The following TLN2 variants were observed in gnomAD, a reference collection of about 807,000 sequenced individuals.
The protein encoded by TLN2 is talin-2.
TLN2 carries 118 observed loss-of-function variants against 294.7 expected under a neutral mutation model. The ratio of observed to expected loss-of-function variants is 0.40; its 90% confidence interval spans 0.34 to 0.47. The LOEUF is 0.47. TLN2 is among the 20% of genes least tolerant of loss of function. TLN2 has a pLI of 0.84. For synonymous variants in TLN2, 1,431 were observed against 1,304.5 expected (o/e 1.10, Z -2.09); for missense variants, 3,083 against 3,282.2 (o/e 0.94, Z 1.48).
intron 24 of TLN2, 128 bp downstream of exon 24, chr15:62,717,817 C>T: frequency 1.6e-6 from 1 of 628,146 alleles, no homozygotes; most frequent in Middle Eastern, 3.8e-4. Context: ...CCCCAGTTCC[C>T]ATGTTCCAGG....
At chr15:62,504,933 T>C (rs1454126365) in intron 1 of TLN2, among the ~76,000 whole-genome samples, 4 of 150,548 alleles carry the variant, frequency 2.7e-5, no homozygotes, top group African/African-American at 9.9e-5. Flanking sequence ...GTAATAACAT[T>C]AAAAAACAGA....
intron 43 of TLN2, among the ~76,000 whole-genome samples, chr15:62,777,234 A>G (rs1341841670): frequency 6.6e-6 from 1 of 152,134 alleles, no homozygotes; most frequent in African/African-American, 2.4e-5. Context: ...TGCCAAAATG[A>G]AATAAAAGTG....
chr15:62,582,246 A>ACACACACACACACACACACACACACCCC lies in TLN2; in HGVS notation c.-237-7439_-237-7438insCACACACACACACACACACACACCCCCA, dbSNP rs764248336. Among the ~76,000 whole-genome samples, 201 of 137,308 alleles carry ACACACACACACACACACACACACACCCC rather than the reference A, an allele frequency of 1.5e-3. 8 individuals are homozygous for ACACACACACACACACACACACACACCCC. Among genetic ancestry groups the ACACACACACACACACACACACACACCCC allele is most frequent in the Admixed American group, 1.9e-3 (25 of 13,276 alleles). The allele number at this position is 137,308 out of a possible 152,430, so 90.1% of individuals were successfully genotyped here. On this transcript the variant is annotated intron_variant, in intron 1 of 58. Transcript: ENST00000636159. ...CACACACACACACACACACACACACACATTCATGCCTGACCCATTCCTGAC... is the reference window on the plus strand; with the variant it reads ...CACACACACACACACACACACACACACACACACACACACACACACACACACCCCCATTCATGCCTGACCCATTCCTGAC...
chr15:62,758,961 T>C (rs2062485882), intron 37 of TLN2, among the ~76,000 whole-genome samples: 1 of 152,262 alleles, frequency 6.6e-6, no homozygotes, highest in African/African-American at 2.4e-5. Flanking sequence ...AATCTGACTT[T>C]GTGCATACAC....
At chr15:62,652,608 T>A (rs889258461) in intron 6 of TLN2, among the ~76,000 whole-genome samples, 5 of 152,224 alleles carry the variant, frequency 3.3e-5, no homozygotes, top group African/African-American at 1.2e-4. Context: ...AGTTTTCTCT[T>A]CATGCAAAGG....
At chr15:62,616,656 A>C (rs564163195) in intron 2 of TLN2, among the ~76,000 whole-genome samples, 21 of 152,262 alleles carry the variant, frequency 1.4e-4, no homozygotes, top group Non-Finnish European at 2.5e-4. Flanking sequence ...TCATGGTGTG[A>C]GTTTCTCCCC....
chr15:62,781,939 G>T (rs960808362), intron 44 of TLN2, among the ~76,000 whole-genome samples: 1 of 152,200 alleles, frequency 6.6e-6, no homozygotes, highest in East Asian at 1.9e-4. Context: ...ATGTTAAGCA[G>T]TTATACGAAA....
rs2062169604 is a variant in TLN2, at chr15:62,755,237, T to A, written c.4477-295T>A. 2.4e-5 allele frequency: 7 copies of A among 297,396 alleles called. No homozygotes were observed. The South Asian group carries it at 4.3e-4, about 18-fold the overall frequency. 18.4% of individuals were successfully genotyped at this position (297,396 alleles called of 1,614,324 possible). A position where few individuals can be genotyped will look rare whatever the true frequency, so the allele number is the denominator to read the frequency against. ...TCTAGATGCTATACCCTGGACCTCC[T>A]ATCTGGGGTTCCAAAGGCTAACTGA... On this transcript the variant is annotated intron_variant, in intron 36 of 58. Coordinates refer to ENST00000636159, the MANE Select transcript of TLN2 (RefSeq NM_015059.3).
At chr15:62,796,778 C>CTAGGG (rs2065514027) in intron 47 of TLN2, among the ~76,000 whole-genome samples, 1 of 152,186 alleles carries the variant, frequency 6.6e-6, no homozygotes, top group African/African-American at 2.4e-5. Flanking sequence ...AAGGGCTGGG[C>CTAGGG]TAGGGAGGCA....
At position 62,397,437 on chromosome 15, in the gene TLN2, A is replaced by T. The variant is rs571795143; in HGVS notation, c.-238+6752A>T. 1.2e-4 allele frequency among the ~76,000 whole-genome samples: 19 copies of T among 152,024 alleles called. 1 individual carries two copies. The highest frequency in any genetic ancestry group is 6.8e-3 in the Middle Eastern group (2 of 294). On this transcript the variant is annotated intron_variant, in intron 1 of 58. Transcript: ENST00000636159. ...CATACCTGGCTAATTTGTATTTGAT[A>T]TTTTTTTGTAGAGACCATGTCTCAC... is the stretch of plus-strand genomic sequence containing the variant.
At chr15:62,748,481 G>C in intron 33 of TLN2, 37 bp downstream of exon 33, 1 of 1,492,476 alleles carries the variant, frequency 6.7e-7, no homozygotes, top group Non-Finnish European at 9.3e-7. Context: ...ACTTGAGAGA[G>C]GGAGTGTCTG....
chr15:62,673,808 T>C lies in TLN2; in HGVS notation c.789-19T>C, dbSNP rs1465248284. 4 of 1,606,170 alleles carry C rather than the reference T, an allele frequency of 2.5e-6. No individual in the cohort carries two copies. In the African/African-American group the frequency reaches 5.4e-5, roughly 21 times the overall value. Reference sequence around the variant, plus strand: ...GGAACATGATAAATGCCTTTCCTTTTTAAATGTCTCTCTCTTAGTCTGAAG... The same window carrying C: ...GGAACATGATAAATGCCTTTCCTTTCTAAATGTCTCTCTCTTAGTCTGAAG... On this transcript the variant is annotated intron_variant, in intron 9 of 58. Transcript: ENST00000636159.
At chr15:62,779,496 T>C (rs1450560875) in intron 43 of TLN2, among the ~76,000 whole-genome samples, 5 of 152,226 alleles carry the variant, frequency 3.3e-5, no homozygotes, top group African/African-American at 4.8e-5. Flanking sequence ...TTCTTTCAAA[T>C]AAATGAAATT....
intron 1 of TLN2, among the ~76,000 whole-genome samples, chr15:62,570,677 C>T (rs986788960): frequency 1.3e-5 from 2 of 152,146 alleles, no homozygotes; most frequent in Non-Finnish European, 2.9e-5. Flanking sequence ...TCATATGGTG[C>T]TGTTCTGACC....
At chr15:62,709,476 C>T (rs1029300464) in intron 21 of TLN2, among the ~76,000 whole-genome samples, 3 of 152,176 alleles carry the variant, frequency 2.0e-5, no homozygotes, top group Admixed American at 2.0e-4. Flanking sequence ...ATATCAAAGA[C>T]ACGTTCCCTG....
chr15:62,622,913 C>T (rs1410680202), intron 3 of TLN2, among the ~76,000 whole-genome samples: 3 of 152,210 alleles, frequency 2.0e-5, no homozygotes, highest in Admixed American at 1.3e-4. Context: ...TCCATCACTG[C>T]CCAGACCAAT....
At chr15:62,792,523 A>T in intron 45 of TLN2, 118 bp from the exon 46 acceptor site, 1 of 1,348,832 alleles carries the variant, frequency 7.4e-7, no homozygotes, top group Non-Finnish European at 1.0e-6. Flanking sequence ...TCCTAATAGG[A>T]GTGGAATTTT....
chr15:62,731,501 G>A (rs995721363), intron 28 of TLN2, among the ~76,000 whole-genome samples: 12 of 152,164 alleles, frequency 7.9e-5, no homozygotes, highest in African/African-American at 2.9e-4. Context: ...TGAGCTGATT[G>A]GAAATTGTGT....
At position 62,776,814 on chromosome 15, in the gene TLN2, A is replaced by G; in HGVS notation, c.5418A>G (p.Glu1806=). ...AITEAAQLMK[E]AVDDIMVTLN... ...CAGAGGCCGCCCAGTTGATGAAGGA[A>G]GCCGTGGATGACATCATGGTGACGC... is the stretch of plus-strand genomic sequence containing the variant. The change falls in exon 43 of 59, where the codon GAA becomes GAG. Residue 1806 remains glutamate (E), a synonymous_variant. Coordinates refer to ENST00000636159, the MANE Select transcript of TLN2 (RefSeq NM_015059.3). 6.3e-7 allele frequency: 1 copy of G among 1,599,558 alleles called. No individual in the cohort carries two copies. The highest frequency in any genetic ancestry group is 8.5e-7 in the Non-Finnish European group (1 of 1,172,296).
Sources: gnomAD v4.1 joint callset for allele counts (sites outside exome capture counted in the v4.1 genomes callset) on GRCh38, gnomAD v4.1.1 for gene constraint, MANE v1.5 for transcripts, NCBI Gene and HGNC (gene_info 2026-07-23, HGNC 2026-07-21) for gene names.